Variants in CDH8 observed in about 807,000 individuals in gnomAD.
The protein encoded by CDH8 is cadherin-8.
Under a neutral mutation model 68.1 loss-of-function variants are expected in CDH8, and 17 were observed. The observed-to-expected ratio is 0.25, with a 90% CI of 0.17 to 0.37. The LOEUF is 0.37. Among genes scored for constraint, CDH8 ranks in the 10% least tolerant of loss-of-function variants. CDH8 has a pLI of 1.00. For synonymous variants in CDH8, 372 were observed against 365.1 expected (o/e 1.02, Z -0.21); for missense variants, 763 against 999.3 (o/e 0.76, Z 3.19).
chr16:61,909,351 G>A (rs181987749), intron 2 of CDH8, among the ~76,000 whole-genome samples: 41 of 152,234 alleles, frequency 2.7e-4, no homozygotes, highest in Non-Finnish European at 5.3e-4. Context: ...CTTTTAAATG[G>A]TAAGTTCCAC....
rs568792222 is a variant in CDH8, at chr16:61,956,641, T to G, written c.253-55168A>C. 2.6e-4 allele frequency among the ~76,000 whole-genome samples: 40 copies of G among 152,242 alleles called. No homozygotes were observed. The South Asian group carries it at 8.1e-3, about 31-fold the overall frequency. On this transcript the variant is annotated intron_variant, in intron 2 of 11. Transcript: ENST00000577390. ...TATTTTTATGATGCTGCTTAACAAG[T>G]TTGTATTTCCTTGGCAGGAATTTAT...
chr16:61,742,604 T>A (rs1222789922), intron 8 of CDH8, among the ~76,000 whole-genome samples: 2 of 152,202 alleles, frequency 1.3e-5, no homozygotes, highest in Non-Finnish European at 2.9e-5. Flanking sequence ...ATCATCTTTT[T>A]CTCTATCTTC....
In CDH8 at chr16:61,935,871, G is replaced by A. The variant is rs137938806; in HGVS notation, c.253-34398C>T. On this transcript the variant is annotated intron_variant, in intron 2 of 11. Coordinates refer to ENST00000577390, the MANE Select transcript of CDH8 (RefSeq NM_001796.5). ...AAGCTGTTCATTATTTTTTGGTGAC[G>A]GGGGCTGTCCATGATAAATTCACAT... Among the ~76,000 whole-genome samples, 13 of 152,124 alleles carry A rather than the reference G, an allele frequency of 8.5e-5. No individual in the cohort carries two copies. The East Asian group carries it at 9.7e-4, about 11-fold the overall frequency.
intron 4 of CDH8, among the ~76,000 whole-genome samples, chr16:61,826,078 C>CA (rs1169882704): frequency 6.6e-6 from 1 of 151,628 alleles, no homozygotes; most frequent in Admixed American, 6.6e-5. Flanking sequence ...TTTTGAGGCG[C>CA]AAAATTATAA....
chr16:61,748,740 A>G (rs925749850), intron 8 of CDH8, among the ~76,000 whole-genome samples: 1 of 151,990 alleles, frequency 6.6e-6, no homozygotes, highest in African/African-American at 2.4e-5. Context: ...CCCAATGACC[A>G]ATCCTGTCCT....
At chr16:61,772,170 C>T (rs1162742461) in intron 8 of CDH8, among the ~76,000 whole-genome samples, 1 of 152,018 alleles carries the variant, frequency 6.6e-6, no homozygotes, top group Non-Finnish European at 1.5e-5. Flanking sequence ...TCTGGACCTC[C>T]CCCACCTAAC....
intron 2 of CDH8, among the ~76,000 whole-genome samples, chr16:61,939,423 T>C (rs910991480): frequency 1.3e-5 from 2 of 152,162 alleles, no homozygotes; most frequent in African/African-American, 4.8e-5. Context: ...GAAGCATTAT[T>C]TTTCCTCCTT....
Position 61,789,434 on chromosome 16 carries a change from A to G in CDH8, c.1326T>C (p.Asn442=). Residue 442 remains asparagine (N), a synonymous_variant, in exon 8 of 12, where the codon AAT becomes AAC. Coordinates refer to ENST00000577390, the MANE Select transcript of CDH8 (RefSeq NM_001796.5). ...HTDLERQFNI[N]ADDGKITLAT... ...CCAGCGTTATCTTCCCATCGTCTGCATTAATGTTGAACTGCCTCTCCAGGT... is the reference window on the plus strand; with the variant it reads ...CCAGCGTTATCTTCCCATCGTCTGCGTTAATGTTGAACTGCCTCTCCAGGT... 6.2e-7 allele frequency: 1 copy of G among 1,613,162 alleles called. No individual in the cohort carries two copies. The highest frequency in any genetic ancestry group is 8.5e-7 in the Non-Finnish European group (1 of 1,179,380).
chr16:61,793,551 G>A (rs1961430853), intron 7 of CDH8, among the ~76,000 whole-genome samples: 1 of 151,938 alleles, frequency 6.6e-6, no homozygotes, highest in South Asian at 2.1e-4. Context: ...ATGGCCTCCA[G>A]CTCCATCCAT....
chr16:61,740,575 A>C (rs1276901213), intron 8 of CDH8, among the ~76,000 whole-genome samples: 1 of 152,112 alleles, frequency 6.6e-6, no homozygotes, highest in Non-Finnish European at 1.5e-5. Context: ...ATCTCCCTCA[A>C]GATAACCTCT....
chr16:61,690,770 A>G (rs563418468), intron 10 of CDH8, among the ~76,000 whole-genome samples: 1 of 152,206 alleles, frequency 6.6e-6, no homozygotes, highest in African/African-American at 2.4e-5. Context: ...ATATATTTAT[A>G]TAACTCATAA....
chr16:61,758,016 C>T (rs998831501), intron 8 of CDH8, among the ~76,000 whole-genome samples: 9 of 152,090 alleles, frequency 5.9e-5, no homozygotes, highest in African/African-American at 2.2e-4. Flanking sequence ...GTTCTGGGAC[C>T]AGGTGGCAGG....
At chr16:61,764,262 C>T (rs1960535985) in intron 8 of CDH8, among the ~76,000 whole-genome samples, 1 of 151,998 alleles carries the variant, frequency 6.6e-6, no homozygotes, top group Admixed American at 6.6e-5. Flanking sequence ...GATCTCTCTG[C>T]CCAAAACTGT....
At position 61,862,135 on chromosome 16, in the gene CDH8, T is replaced by TCACACACACACACACACA. The variant is rs3069990; in HGVS notation, c.548-4915_548-4898dup. Among the ~76,000 whole-genome samples the TCACACACACACACACACA allele has an allele frequency of 3.4e-5, 5 of 146,328 alleles. No individual in the cohort carries two copies. In the East Asian group the frequency reaches 1.0e-3, roughly 30 times the overall value. ...AAAAGAAAACACACACAAACACCAC[T>TCACACACACACACACACA]CACACACACACACACACACACACAC... On this transcript the variant is annotated intron_variant, in intron 3 of 11. Coordinates refer to ENST00000577390, the MANE Select transcript of CDH8 (RefSeq NM_001796.5).
At chr16:61,669,808 AAC>A (rs1963755235) in intron 10 of CDH8, among the ~76,000 whole-genome samples, 1 of 152,060 alleles carries the variant, frequency 6.6e-6, no homozygotes, top group African/African-American at 2.4e-5. Flanking sequence ...ACCGGGACAA[AAC>A]ACAGAGAACA....
intron 2 of CDH8, among the ~76,000 whole-genome samples, chr16:61,976,626 C>T (rs562774468): frequency 8.5e-5 from 13 of 152,254 alleles, no homozygotes; most frequent in African/African-American, 2.9e-4. Flanking sequence ...ACTATTTCTG[C>T]TTAAGCCAAC....
At position 61,766,208 on chromosome 16, in the gene CDH8, G is replaced by A. The variant is rs1960585974; in HGVS notation, c.1414+23138C>T. Among the ~76,000 whole-genome samples the A allele has an allele frequency of 2.7e-5, 4 of 149,202 alleles. No homozygotes were observed. In the South Asian group the frequency reaches 8.6e-4, roughly 32 times the overall value. On this transcript the variant is annotated intron_variant, in intron 8 of 11. Coordinates refer to ENST00000577390, the MANE Select transcript of CDH8 (RefSeq NM_001796.5). ...GTCTAAATACCTTTGCATGCCCATA[G>A]CTTAGCTGCCACTTATAAGTGAGAA...
intron 8 of CDH8, among the ~76,000 whole-genome samples, chr16:61,770,578 A>T (rs935819405): frequency 1.3e-5 from 2 of 151,948 alleles, no homozygotes; most frequent in African/African-American, 4.8e-5. Flanking sequence ...CCTCCTTTGC[A>T]TCTAAAAATA....
intron 3 of CDH8, among the ~76,000 whole-genome samples, chr16:61,865,900 A>T (rs745518148): frequency 1.6e-4 from 25 of 152,146 alleles, no homozygotes; most frequent in Non-Finnish European, 3.4e-4. Flanking sequence ...GGCACCACAG[A>T]TGCCCAGATG....
Sources: allele counts gnomAD v4.1 joint callset (sites outside exome capture counted in the v4.1 genomes callset), GRCh38; gene constraint gnomAD v4.1.1; transcripts MANE v1.5; gene names NCBI Gene and HGNC (gene_info 2026-07-23, HGNC 2026-07-21).